The following CDH13 variants were observed in gnomAD, a reference collection of about 807,000 sequenced individuals.
CDH13 encodes the protein cadherin 13, also known as cadherin-13.
CDH13 carries 24 observed loss-of-function variants against 63.8 expected under a neutral mutation model. The observed-to-expected ratio is 0.38, with a 90% CI of 0.27 to 0.53. The LOEUF is 0.53. CDH13 is among the 20% of genes least tolerant of loss of function. The pLI is 0.85. For missense variants in CDH13, 1,049 were observed against 903.1 expected, an observed-to-expected ratio of 1.16 and a Z score of -2.07; for synonymous variants, 503 against 355.3, an observed-to-expected ratio of 1.42 and a Z score of -4.67.
At chr16:82,695,939 C>T (rs540856758) in intron 1 of CDH13, among the ~76,000 whole-genome samples, 6 of 151,542 alleles carry the variant, frequency 4.0e-5, no homozygotes, top group Admixed American at 6.6e-5. Context: ...AATCTACTAG[C>T]CTGCCAAATG....
chr16:83,119,416 A>G (rs1484433951), intron 3 of CDH13, among the ~76,000 whole-genome samples: 1 of 152,050 alleles, frequency 6.6e-6, no homozygotes, highest in South Asian at 2.1e-4. Context: ...CAGGCTCCTC[A>G]ACGTCAACAG....
At chr16:83,012,753 C>T (rs1914291753) in intron 2 of CDH13, among the ~76,000 whole-genome samples, 1 of 152,136 alleles carries the variant, frequency 6.6e-6, no homozygotes, top group South Asian at 2.1e-4. Flanking sequence ...TTTGGCACTT[C>T]AGGGTATATT....
At chr16:83,610,794 G>A (rs776961205) in intron 8 of CDH13, among the ~76,000 whole-genome samples, 5 of 152,122 alleles carry the variant, frequency 3.3e-5, no homozygotes, top group Non-Finnish European at 5.9e-5. Flanking sequence ...TGTGTCTTTT[G>A]GTGCATATTT....
At chr16:82,885,108 C>G (rs2040837124) in intron 2 of CDH13, among the ~76,000 whole-genome samples, 1 of 152,080 alleles carries the variant, frequency 6.6e-6, no homozygotes, top group Admixed American at 6.5e-5. Flanking sequence ...CTTGTTCTAC[C>G]TAGAACCCAA....
At chr16:83,707,132 G>A (rs577804116) in intron 10 of CDH13, among the ~76,000 whole-genome samples, 24 of 152,280 alleles carry the variant, frequency 1.6e-4, no homozygotes, top group African/African-American at 5.1e-4. Context: ...TACTGTTCCC[G>A]CTTCCCAATA....
intron 1 of CDH13, among the ~76,000 whole-genome samples, chr16:82,684,177 A>T (rs1914834013): frequency 6.6e-6 from 1 of 152,246 alleles, no homozygotes; most frequent in South Asian, 2.1e-4. Context: ...AGGTTTTGAC[A>T]CCTGAAGACA....
At chr16:83,382,238 A>T (rs2091581202) in intron 6 of CDH13, among the ~76,000 whole-genome samples, 1 of 152,188 alleles carries the variant, frequency 6.6e-6, no homozygotes, top group Non-Finnish European at 1.5e-5. Context: ...CTGGCACATA[A>T]TGAAGACAAA....
intron 3 of CDH13, among the ~76,000 whole-genome samples, chr16:83,043,471 TATA>T (rs1178891666): frequency 1.3e-5 from 2 of 150,500 alleles, no homozygotes; most frequent in Non-Finnish European, 2.9e-5. Flanking sequence ...TAATAATTTA[TATA>T]ATAACTGTAT....
At chr16:83,567,182 C>G (rs1486934299) in intron 7 of CDH13, among the ~76,000 whole-genome samples, 1 of 152,238 alleles carries the variant, frequency 6.6e-6, no homozygotes, top group Non-Finnish European at 1.5e-5. Flanking sequence ...CTCTTCTGGG[C>G]TTTCCCAGTG....
At chr16:83,623,776 C>A (rs1168042463) in intron 8 of CDH13, among the ~76,000 whole-genome samples, 1 of 152,158 alleles carries the variant, frequency 6.6e-6, no homozygotes, top group African/African-American at 2.4e-5. Flanking sequence ...CTGAATTGTC[C>A]ACTTGTACCA....
At chr16:83,106,874 A>G (rs971023948) in intron 3 of CDH13, among the ~76,000 whole-genome samples, 1 of 152,160 alleles carries the variant, frequency 6.6e-6, no homozygotes, top group African/African-American at 2.4e-5. Flanking sequence ...AGTTTCTCTG[A>G]TGAACCTATT....
chr16:83,206,629 C>T (rs1044511576), intron 4 of CDH13, among the ~76,000 whole-genome samples: 1 of 152,232 alleles, frequency 6.6e-6, no homozygotes, highest in East Asian at 1.9e-4. Context: ...GGGATACCAG[C>T]GAATACAATC....
chr16:83,322,640 G>A (rs140850672), intron 5 of CDH13, among the ~76,000 whole-genome samples: 60 of 152,096 alleles, frequency 3.9e-4, no homozygotes, highest in Non-Finnish European at 7.5e-4. Context: ...GCAGTGAGCA[G>A]GGGGTGCCCA....
chr16:83,018,867 T>C (rs1033419153), intron 2 of CDH13, among the ~76,000 whole-genome samples: 3 of 152,162 alleles, frequency 2.0e-5, no homozygotes, highest in Admixed American at 6.5e-5. Context: ...AGAAAAGGTA[T>C]AATAAAAATA....
chr16:83,082,613 C>T (rs549697625), intron 3 of CDH13, among the ~76,000 whole-genome samples: 11 of 152,250 alleles, frequency 7.2e-5, no homozygotes, highest in Middle Eastern at 3.4e-3. Context: ...CACTGCATTC[C>T]AGCCTGGGCA....
intron 6 of CDH13, among the ~76,000 whole-genome samples, chr16:83,443,096 A>T (rs76825359): frequency 6.6e-6 from 1 of 152,306 alleles, no homozygotes; most frequent in Middle Eastern, 3.4e-3. Context: ...AGCAGACTGA[A>T]GTTTGCAACT....
At chr16:82,975,228 G>T (rs548511925) in intron 2 of CDH13, among the ~76,000 whole-genome samples, 1 of 152,336 alleles carries the variant, frequency 6.6e-6, no homozygotes, top group South Asian at 2.1e-4. Context: ...TTTGGGAGAG[G>T]ATGCACAAAT....
intron 2 of CDH13, among the ~76,000 whole-genome samples, chr16:82,915,649 C>G (rs937007797): frequency 4.6e-5 from 7 of 151,870 alleles, no homozygotes; most frequent in African/African-American, 1.7e-4. Flanking sequence ...GGGCTGTGGT[C>G]TTATCTACTG....
intron 6 of CDH13, among the ~76,000 whole-genome samples, chr16:83,402,039 T>A (rs1230028634): frequency 6.6e-6 from 1 of 151,518 alleles, no homozygotes; most frequent in Non-Finnish European, 1.5e-5. Context: ...TGTTGCTATC[T>A]TTTTTCTTTC....
Sources: gnomAD v4.1 joint callset for allele counts (sites outside exome capture counted in the v4.1 genomes callset) on GRCh38, gnomAD v4.1.1 for gene constraint, MANE v1.5 for transcripts, NCBI Gene and HGNC (gene_info 2026-07-23, HGNC 2026-07-21) for gene names.